The following PIKFYVE variants were observed in gnomAD, a reference collection of about 807,000 sequenced individuals.
PIKFYVE encodes phosphoinositide kinase, FYVE-type zinc finger containing, also known as 1-phosphatidylinositol 3-phosphate 5-kinase.
In PIKFYVE, 122 loss-of-function variants were observed where a neutral mutation model predicts 257.9. The observed-to-expected ratio is 0.47, with a 90% CI of 0.41 to 0.55. The LOEUF (loss-of-function observed/expected upper bound fraction) is 0.55, where lower values mean the gene tolerates loss of function less well. Among genes scored for constraint, PIKFYVE ranks in the 20% least tolerant of loss-of-function variants. PIKFYVE has a pLI of 0.00. For synonymous variants in PIKFYVE, 892 were observed against 868.9 expected, an observed-to-expected ratio of 1.03 and a Z score of -0.47; for missense variants, 2,160 against 2,536.6, an observed-to-expected ratio of 0.85 and a Z score of 3.19.
intron 6 of PIKFYVE, among the ~76,000 whole-genome samples, chr2:208,286,185 C>A (rs187023918): frequency 5.2e-4 from 79 of 152,162 alleles, no homozygotes; most frequent in Non-Finnish European, 7.5e-4. Flanking sequence ...CCCCAGGCAC[C>A]AAGAACAGCG....
At position 208,326,063 on chromosome 2, in the gene PIKFYVE, G is replaced by T. The variant is rs1696891122; in HGVS notation, c.3252G>T (p.Gln1084His). 6.2e-7 allele frequency: 1 copy of T among 1,614,172 alleles called. No homozygotes were observed. Among genetic ancestry groups the T allele is most frequent in the East Asian group, 2.2e-5 (1 of 44,890 alleles). ...CTACCCGAGATTATTTTGCAGAGCA[G>T]GTTTACTGGTCTCCTCTCCTCAATA... ...RCSTRDYFAE[Q>H]VYWSPLLNKE... Residue 1084 changes from glutamine (Q) to histidine (H), a missense_variant, in exon 20 of 42, where the codon CAG becomes CAT. Gln to His is a conservative substitution (Grantham distance 24). This residue lies in a region of PIKFYVE where 522 missense variants were observed against 514.6 expected (regional missense o/e 1.01). Transcript: ENST00000264380.
intron 7 of PIKFYVE, among the ~76,000 whole-genome samples, chr2:208,294,709 A>G (rs929520388): frequency 6.6e-6 from 1 of 152,012 alleles, no homozygotes; most frequent in Non-Finnish European, 1.5e-5. Context: ...CCCCATGTGG[A>G]AGGCTAGAAG....
At chr2:208,318,991 C>A (rs972697659) in intron 16 of PIKFYVE, among the ~76,000 whole-genome samples, 4 of 149,564 alleles carry the variant, frequency 2.7e-5, no homozygotes, top group African/African-American at 9.8e-5. Context: ...TCAGGTGTTT[C>A]CAGTGTCATT....
intron 34 of PIKFYVE, among the ~76,000 whole-genome samples, chr2:208,347,075 C>T (rs1387215114): frequency 6.6e-6 from 1 of 152,174 alleles, no homozygotes; most frequent in Non-Finnish European, 1.5e-5. Flanking sequence ...GTGCTGTACA[C>T]ATAGTTACAC....
chr2:208,343,365 AT>A (rs1698903745), intron 32 of PIKFYVE, among the ~76,000 whole-genome samples: 1 of 152,024 alleles, frequency 6.6e-6, no homozygotes, highest in Admixed American at 6.5e-5. Context: ...ACGAGGTAAA[AT>A]TTTTCTACTT....
intron 27 of PIKFYVE, 28 bp from the exon 28 acceptor site, chr2:208,336,810 T>C: frequency 6.9e-7 from 1 of 1,459,096 alleles, no homozygotes; most frequent in Non-Finnish European, 9.6e-7. Flanking sequence ...AAACCATATA[T>C]ATATATATTT....
chr2:208,322,256 C>T lies in PIKFYVE; in HGVS notation c.2191-1886C>T, dbSNP rs1416473594. On this transcript the variant is annotated intron_variant, in intron 17 of 41. Transcript: ENST00000264380. ...ATTAGGCAGGCATGGTGATGTGTGC[C>T]TGTAGTCCTAGAAGGGTGAAGCAGG... is the stretch of plus-strand genomic sequence containing the variant. 7.3e-5 allele frequency among the ~76,000 whole-genome samples: 11 copies of T among 150,852 alleles called. No homozygotes were observed. The East Asian group carries it at 2.2e-3, about 29-fold the overall frequency.
rs1451963091 is a variant in PIKFYVE, at chr2:208,358,242, GA to G, written c.*2940del. On this transcript the variant is annotated 3_prime_UTR_variant, in exon 42 of 42. Coordinates refer to ENST00000264380, the MANE Select transcript of PIKFYVE (RefSeq NM_015040.4). ...AGTGATCCTGTGTAAAACTGCCAAG[GA>G]AAGTAATTACCTGTAGGAGTTTGCT... The G allele has an allele frequency of 6.6e-6, 1 of 152,578 alleles. No individual in the cohort carries two copies. The highest frequency in any genetic ancestry group is 1.9e-4 in the East Asian group (1 of 5,190). The allele number at this position is 152,578 out of a possible 1,614,324, so 9.5% of individuals were successfully genotyped here. A position where few individuals can be genotyped will look rare whatever the true frequency, so the allele number is the denominator to read the frequency against.
At position 208,300,926 on chromosome 2, in the gene PIKFYVE, T is replaced by C; in HGVS notation, c.1051-11T>C. The C allele has an allele frequency of 6.2e-7, 1 of 1,614,010 alleles. No individual in the cohort carries two copies. The highest frequency in any genetic ancestry group is 8.5e-7 in the Non-Finnish European group (1 of 1,179,962). On this transcript the variant is annotated splice_polypyrimidine_tract_variant and intron_variant, in intron 8 of 41. Transcript: ENST00000264380. ...CTCAAGGGTAACTACTTGCTGTTAA[T>C]GTGATTGCAGGACAGTGTGCAGTTA...
rs747081829 is a variant in PIKFYVE, at chr2:208,348,005, C to G, written c.5356C>G (p.Gln1786Glu). ...GQTGKEGTEN[Q>E]GVEPQDEVDG... ...GACGGGCAAGGAGGGGACCGAGAATCAAGGCGTTGAGCCTCAAGGTGTGTT... is the reference window on the plus strand; with the variant it reads ...GACGGGCAAGGAGGGGACCGAGAATGAAGGCGTTGAGCCTCAAGGTGTGTT... The change falls in exon 35 of 42, where the codon CAA (glutamine) becomes GAA (glutamate). Residue 1786 changes from glutamine to glutamate, a missense_variant. By Grantham distance (29) the Gln-to-Glu change is conservative. This residue lies in a region of PIKFYVE where 699 missense variants were observed against 855.8 expected (regional missense o/e 0.82). Transcript: ENST00000264380. 1 of 1,614,138 alleles carries G rather than the reference C, an allele frequency of 6.2e-7. No individual in the cohort carries two copies. The highest frequency in any genetic ancestry group is 8.5e-7 in the Non-Finnish European group (1 of 1,180,004).
chr2:208,291,801 C>G (rs1454563149), intron 7 of PIKFYVE, among the ~76,000 whole-genome samples: 1 of 151,936 alleles, frequency 6.6e-6, no homozygotes, highest in Admixed American at 6.6e-5. Flanking sequence ...TTGACTTCTT[C>G]TCTAATCTTT....
intron 6 of PIKFYVE, 68 bp downstream of exon 6, chr2:208,286,001 C>A (rs988938433): frequency 6.9e-7 from 1 of 1,450,390 alleles, no homozygotes; most frequent in Non-Finnish European, 9.6e-7. Context: ...CCTTTGAGTG[C>A]TTTCAGTTAA....
chr2:208,342,059 C>T (rs549392804), intron 31 of PIKFYVE, among the ~76,000 whole-genome samples: 1 of 152,136 alleles, frequency 6.6e-6, no homozygotes, highest in African/African-American at 2.4e-5. Context: ...CAGTAAGTAG[C>T]ACCTAAATTA....
intron 6 of PIKFYVE, 79 bp downstream of exon 6, chr2:208,286,012 C>T: frequency 7.5e-7 from 1 of 1,331,874 alleles, no homozygotes; most frequent in Non-Finnish European, 1.1e-6. Flanking sequence ...TTTCAGTTAA[C>T]ACTTACCCTC....
intron 1 of PIKFYVE, among the ~76,000 whole-genome samples, chr2:208,266,934 G>A (rs1688716639): frequency 6.6e-6 from 1 of 152,198 alleles, no homozygotes; most frequent in South Asian, 2.1e-4. Flanking sequence ...TTGAGGAGGA[G>A]CATTATTTCC....
chr2:208,316,500 A>C (rs12694106), intron 15 of PIKFYVE, among the ~76,000 whole-genome samples: 135,533 of 151,306 alleles, frequency 0.9, 61,985 homozygotes, highest in Non-Finnish European at 0.98. Flanking sequence ...CCAACAGTGT[A>C]AAAGTGTTCC....
intron 7 of PIKFYVE, among the ~76,000 whole-genome samples, chr2:208,290,470 T>G (rs934369848): frequency 6.6e-6 from 1 of 152,248 alleles, no homozygotes; most frequent in Non-Finnish European, 1.5e-5. Flanking sequence ...TTCTAAGTGA[T>G]GAATAATATC....
chr2:208,273,114 G>C (rs955639485), intron 2 of PIKFYVE, among the ~76,000 whole-genome samples: 1 of 152,164 alleles, frequency 6.6e-6, no homozygotes, highest in African/African-American at 2.4e-5. Context: ...ACTGGGAACT[G>C]TTTTGATAGT....
intron 34 of PIKFYVE, among the ~76,000 whole-genome samples, chr2:208,347,397 A>G (rs1028416490): frequency 5.3e-5 from 8 of 152,214 alleles, no homozygotes; most frequent in Admixed American, 4.6e-4. Context: ...GTTAAACTGT[A>G]GGAACACAAA....
Sources: allele counts gnomAD v4.1 joint callset (sites outside exome capture counted in the v4.1 genomes callset), GRCh38; gene constraint gnomAD v4.1.1; regional missense constraint gnomAD v4.1.1; transcripts MANE v1.5; gene names NCBI Gene and HGNC (gene_info 2026-07-23, HGNC 2026-07-21).